GLIS3: variants seen among roughly 807,000 people sequenced by gnomAD.
The protein encoded by GLIS3 is zinc finger protein GLIS3.
In GLIS3, 53 loss-of-function variants were observed where a neutral mutation model predicts 78.6. The ratio of observed to expected loss-of-function variants is 0.67; its 90% confidence interval spans 0.54 to 0.85. The LOEUF is 0.85. Ranked by LOEUF, GLIS3 falls within the 40% of genes least tolerant of loss-of-function variation. The pLI, the probability that GLIS3 is intolerant of heterozygous loss-of-function variation, is 0.00. For missense variants in GLIS3, 1,703 were observed against 1,231.1 expected (o/e 1.38, Z -5.74); for synonymous variants, 684 against 509.9 (o/e 1.34, Z -4.60).
chr9:4,146,244 G>C (rs999583915), intron 2 of GLIS3, among the ~76,000 whole-genome samples: 1 of 152,032 alleles, frequency 6.6e-6, no homozygotes, highest in African/African-American at 2.4e-5. Flanking sequence ...TGAAGGAAGG[G>C]GGGACACCTT....
rs187597143 is a variant in GLIS3, at chr9:3,872,398, G to A, written c.2297+7029C>T. On this transcript the variant is annotated intron_variant, in intron 8 of 10. Coordinates refer to ENST00000381971, the MANE Select transcript of GLIS3 (RefSeq NM_001042413.2). ...ATTTACTTTATTAGTCTGTTTTCATGCTACTGTTAAAGACATACCCAAGAC... is the reference window on the plus strand; with the variant it reads ...ATTTACTTTATTAGTCTGTTTTCATACTACTGTTAAAGACATACCCAAGAC... Among the ~76,000 whole-genome samples, 269 of 152,284 alleles carry A rather than the reference G, an allele frequency of 1.8e-3. 1 individual carries two copies. Among genetic ancestry groups the A allele is most frequent in the Non-Finnish European group, 3.1e-3 (214 of 68,026 alleles).
intron 4 of GLIS3, among the ~76,000 whole-genome samples, chr9:3,981,117 G>T (rs117512354): frequency 0.047 from 7,171 of 152,218 alleles, 246 homozygotes; most frequent in Middle Eastern, 0.095. Flanking sequence ...CTACCTCTTG[G>T]AGTTTATGTC....
chr9:4,241,200 G>A (rs114584905), intron 2 of GLIS3, among the ~76,000 whole-genome samples: 51 of 152,270 alleles, frequency 3.3e-4, no homozygotes, highest in African/African-American at 1.2e-3. Context: ...TGGTGGAGTA[G>A]ACGTGAAAGG....
intron 2 of GLIS3, among the ~76,000 whole-genome samples, chr9:4,343,826 A>T (rs912994954): frequency 6.6e-6 from 1 of 152,188 alleles, no homozygotes; most frequent in Non-Finnish European, 1.5e-5. Context: ...AGAAAACCAA[A>T]TACCACATGT....
At chr9:3,881,311 C>T (rs968660048) in intron 7 of GLIS3, among the ~76,000 whole-genome samples, 1 of 151,798 alleles carries the variant, frequency 6.6e-6, no homozygotes, top group Non-Finnish European at 1.5e-5. Context: ...AATGTGAGTT[C>T]TCCTATTTAT....
chr9:4,140,087 G>A (rs189355951), intron 2 of GLIS3, among the ~76,000 whole-genome samples: 2 of 152,136 alleles, frequency 1.3e-5, no homozygotes, highest in Admixed American at 6.5e-5. Context: ...CGTCATAGCC[G>A]CCAGACCAGG....
At chr9:4,193,596 A>G (rs74339855) in intron 2 of GLIS3, among the ~76,000 whole-genome samples, 2,068 of 152,320 alleles carry the variant, frequency 0.014, 49 homozygotes, top group African/African-American at 0.047. Context: ...CAGTTTCAAT[A>G]ACATAGGGTA....
chr9:4,002,525 A>G (rs1018687851), intron 4 of GLIS3, among the ~76,000 whole-genome samples: 1 of 152,146 alleles, frequency 6.6e-6, no homozygotes, highest in Non-Finnish European at 1.5e-5. Flanking sequence ...CATATTTGAA[A>G]CTATCTTCAT....
In GLIS3 at chr9:3,827,768, T is replaced by G. The variant is rs1817803690; in HGVS notation, c.*504A>C. The G allele has an allele frequency of 5.8e-6, 1 of 171,634 alleles. No homozygotes were observed. Among genetic ancestry groups the G allele is most frequent in the Non-Finnish European group, 1.3e-5 (1 of 78,442 alleles). The allele number at this position is 171,634 out of a possible 1,614,324, so 10.6% of individuals were successfully genotyped here. A position where few individuals can be genotyped will look rare whatever the true frequency, so the allele number is the denominator to read the frequency against. ...AGAGAAAAGGGAAACCCAGGGAGTTTCTAAGAGTTGAGACCACACTATGCT... is the reference window on the plus strand; with the variant it reads ...AGAGAAAAGGGAAACCCAGGGAGTTGCTAAGAGTTGAGACCACACTATGCT... On this transcript the variant is annotated 3_prime_UTR_variant, in exon 11 of 11. Transcript: ENST00000381971.
chr9:4,301,596 G>A (rs1303143058), upstream of GLIS3, among the ~76,000 whole-genome samples: 2 of 152,182 alleles, frequency 1.3e-5, no homozygotes, highest in South Asian at 2.1e-4. Flanking sequence ...TCAGATTCTT[G>A]TGCTGTACAA....
At chr9:4,239,097 T>C in intron 2 of GLIS3, among the ~76,000 whole-genome samples, 1 of 146,472 alleles carries the variant, frequency 6.8e-6, no homozygotes, top group Non-Finnish European at 1.5e-5. Context: ...TTGTTGGACA[T>C]TTGGGTTGGT....
chr9:3,914,843 C>A (rs1016475685), intron 6 of GLIS3, among the ~76,000 whole-genome samples: 4 of 152,186 alleles, frequency 2.6e-5, no homozygotes, highest in Admixed American at 2.6e-4. Context: ...ATCGCACTGG[C>A]CCTGCTCCAC....
At chr9:4,490,248 T>G in the GLIS3 span, among the ~76,000 whole-genome samples, 5 of 152,188 alleles carry the variant, frequency 3.3e-5, no homozygotes, top group African/African-American at 1.2e-4. Flanking sequence ...CAGACTCCAG[T>G]GGAAGGCTGT....
At chr9:4,476,706 T>A in the GLIS3 span, among the ~76,000 whole-genome samples, 15 of 152,018 alleles carry the variant, frequency 9.9e-5, no homozygotes, top group African/African-American at 2.9e-4. Context: ...GTTTTTTTTT[T>A]AACTATTATG....
At chr9:4,385,641 G>C in the GLIS3 span, among the ~76,000 whole-genome samples, 2 of 146,278 alleles carry the variant, frequency 1.4e-5, no homozygotes, top group Non-Finnish European at 3.0e-5. Context: ...CTCCAGCCTG[G>C]GTGACAACAG....
At chr9:3,951,583 A>G (rs1816681928) in intron 4 of GLIS3, among the ~76,000 whole-genome samples, 1 of 151,936 alleles carries the variant, frequency 6.6e-6, no homozygotes, top group Non-Finnish European at 1.5e-5. Flanking sequence ...GCCCTTTAAA[A>G]AATATATTTA....
chr9:3,926,626 T>G (rs1825276257), intron 6 of GLIS3, among the ~76,000 whole-genome samples: 1 of 151,852 alleles, frequency 6.6e-6, no homozygotes, highest in African/African-American at 2.4e-5. Context: ...CTTCCTTCTT[T>G]TCTTTCTTTC....
intron 2 of GLIS3, among the ~76,000 whole-genome samples, chr9:4,284,514 C>G (rs1827815826): frequency 6.6e-6 from 1 of 151,702 alleles, no homozygotes; most frequent in Non-Finnish European, 1.5e-5. Context: ...TGGATGTAGC[C>G]CCAGGGAAAC....
the GLIS3 span, among the ~76,000 whole-genome samples, chr9:4,372,152 G>C: frequency 6.6e-6 from 1 of 152,172 alleles, no homozygotes. Context: ...GGAGGAATTA[G>C]TCTAGAAAGA....
Sources: allele counts gnomAD v4.1 joint callset (sites outside exome capture counted in the v4.1 genomes callset), GRCh38; gene constraint gnomAD v4.1.1; transcripts MANE v1.5; gene names NCBI Gene and HGNC (gene_info 2026-07-23, HGNC 2026-07-21).